The following COL25A1 variants were observed in gnomAD, a reference collection of about 807,000 sequenced individuals.
COL25A1 encodes the protein collagen alpha-1(XXV) chain.
A neutral mutation model predicts 128.4 loss-of-function variants in COL25A1; 103 were observed. The observed-to-expected ratio is 0.80, with a 90% CI of 0.68 to 0.94. The LOEUF is 0.94. Among genes scored for constraint, COL25A1 ranks in the 40% least tolerant of loss-of-function variants. COL25A1 has a pLI of 0.00. For missense variants in COL25A1, 745 were observed against 840.0 expected, an observed-to-expected ratio of 0.89 and a Z score of 1.40; for synonymous variants, 279 against 277.2, an observed-to-expected ratio of 1.01 and a Z score of -0.06.
At chr4:109,116,016 C>T (rs1422470046) in intron 3 of COL25A1, among the ~76,000 whole-genome samples, 1 of 151,982 alleles carries the variant, frequency 6.6e-6, no homozygotes, top group Non-Finnish European at 1.5e-5. Flanking sequence ...GGGAGACAGA[C>T]AGGCAGATAC....
In COL25A1 at chr4:108,899,174, G is replaced by T. The variant is rs2125861676; in HGVS notation, c.841C>A (p.Pro281Thr). 6.2e-7 allele frequency: 1 copy of T among 1,609,222 alleles called. No individual in the cohort carries two copies. The highest frequency in any genetic ancestry group is 1.3e-5 in the African/African-American group (1 of 74,900). ...QNGIPGPKGE[P>T]GEQGEKGDAG... ...CTTACCTTTTCACCTTGTTCTCCAG[G>T]TTCTCCCTGAGCAAAAAGACAGAGA... Residue 281 changes from proline (P) to threonine (T), a missense_variant, in exon 15 of 38, where the codon CCT becomes ACT. By Grantham distance (38) the Pro-to-Thr change is conservative. This residue lies in a region of COL25A1 where 39 missense variants were observed against 73.3 expected (regional missense o/e 0.53). Coordinates refer to ENST00000399132, the MANE Select transcript of COL25A1 (RefSeq NM_198721.4).
At chr4:108,951,256 A>T (rs1169526819) in intron 8 of COL25A1, among the ~76,000 whole-genome samples, 1 of 152,252 alleles carries the variant, frequency 6.6e-6, no homozygotes, top group African/African-American at 2.4e-5. Context: ...CCATGTGAGT[A>T]TGAGGAAGAC....
intron 3 of COL25A1, among the ~76,000 whole-genome samples, chr4:109,200,986 A>G (rs1776515990): frequency 6.6e-6 from 1 of 152,100 alleles, no homozygotes; most frequent in Admixed American, 6.6e-5. Context: ...TACCCATATC[A>G]CTAGAACCAC....
At chr4:108,838,229 C>G in intron 31 of COL25A1, 1 of 1,282,614 alleles carries the variant, frequency 7.8e-7, no homozygotes, top group Non-Finnish European at 1.1e-6. Context: ...GGTGTTTAAA[C>G]TGTGAGAGAA....
intron 3 of COL25A1, among the ~76,000 whole-genome samples, chr4:109,152,627 G>A (rs1771609617): frequency 6.6e-6 from 1 of 152,088 alleles, no homozygotes; most frequent in African/African-American, 2.4e-5. Flanking sequence ...AACACCCATG[G>A]GTGAATCAAC....
At chr4:108,989,939 G>T (rs1291287486) in intron 6 of COL25A1, among the ~76,000 whole-genome samples, 1 of 152,058 alleles carries the variant, frequency 6.6e-6, no homozygotes. Context: ...TACGCCGGGC[G>T]CAGTGGCTTA....
chr4:109,191,127 A>T (rs1775572299), intron 3 of COL25A1, among the ~76,000 whole-genome samples: 1 of 152,228 alleles, frequency 6.6e-6, no homozygotes, highest in South Asian at 2.1e-4. Context: ...AATAGTACAC[A>T]GAAAGCAGGA....
At chr4:109,065,751 C>A (rs1762396299) in intron 3 of COL25A1, among the ~76,000 whole-genome samples, 1 of 152,086 alleles carries the variant, frequency 6.6e-6, no homozygotes, top group African/African-American at 2.4e-5. Context: ...CTATGCCAGT[C>A]TAATGACTAT....
At chr4:109,016,276 C>T (rs570181668) in intron 5 of COL25A1, among the ~76,000 whole-genome samples, 18 of 152,360 alleles carry the variant, frequency 1.2e-4, no homozygotes, top group Middle Eastern at 3.4e-3. Context: ...AGCAGCCCCC[C>T]GCTGCCTCAG....
At position 108,888,052 on chromosome 4, in the gene COL25A1, A is replaced by G. The variant is rs557508300; in HGVS notation, c.975+1169T>C. ...TTATAAAATAAATAGTAAATTTTGC[A>G]AAGTTCTGCTAGGCTCTTTGAAAGA... is the stretch of plus-strand genomic sequence containing the variant. On this transcript the variant is annotated intron_variant, in intron 18 of 37. Coordinates refer to ENST00000399132, the MANE Select transcript of COL25A1 (RefSeq NM_198721.4). Among the ~76,000 whole-genome samples, 173 of 152,294 alleles carry G rather than the reference A, an allele frequency of 1.1e-3. 1 individual carries two copies. Among genetic ancestry groups the G allele is most frequent in the African/African-American group, 4.0e-3 (165 of 41,574 alleles).
intron 14 of COL25A1, 36 bp from the exon 15 acceptor site, chr4:108,899,216 C>T: frequency 3.8e-6 from 6 of 1,572,502 alleles, no homozygotes; most frequent in Non-Finnish European, 5.2e-6. Context: ...GACATCAAAT[C>T]ATAAAACACC....
intron 5 of COL25A1, among the ~76,000 whole-genome samples, chr4:109,024,488 A>G (rs1758064812): frequency 1.3e-5 from 2 of 152,098 alleles, no homozygotes. Flanking sequence ...AAAAAAAGAA[A>G]GAGAAGGAAA....
At chr4:109,282,027 G>GTGTA (rs1184638094) in intron 3 of COL25A1, among the ~76,000 whole-genome samples, 4 of 152,126 alleles carry the variant, frequency 2.6e-5, no homozygotes, top group Admixed American at 2.0e-4. Context: ...GAGCCTAAGG[G>GTGTA]TGTATGTCAT....
intron 3 of COL25A1, among the ~76,000 whole-genome samples, chr4:109,274,944 G>T (rs957225231): frequency 2.6e-4 from 39 of 152,106 alleles, no homozygotes; most frequent in Non-Finnish European, 4.1e-4. Flanking sequence ...GCAAATAATT[G>T]AGACCCAGAG....
intron 8 of COL25A1, among the ~76,000 whole-genome samples, chr4:108,958,249 C>T (rs1222536177): frequency 4.6e-5 from 7 of 152,070 alleles, no homozygotes; most frequent in Non-Finnish European, 1.0e-4. Context: ...GATCTTGTTC[C>T]TCTTTGGTGC....
intron 3 of COL25A1, among the ~76,000 whole-genome samples, chr4:109,239,849 C>T (rs989721054): frequency 6.6e-6 from 1 of 152,004 alleles, no homozygotes; most frequent in Non-Finnish European, 1.5e-5. Context: ...ACACATTGTA[C>T]ACTTCATAGA....
intron 11 of COL25A1, among the ~76,000 whole-genome samples, chr4:108,931,784 A>G (rs1014613343): frequency 1.3e-5 from 2 of 152,120 alleles, no homozygotes; most frequent in African/African-American, 2.4e-5. Flanking sequence ...TCACTTGTCT[A>G]CTTTTTCTGG....
chr4:109,142,201 G>T (rs1770475413), intron 3 of COL25A1, among the ~76,000 whole-genome samples: 1 of 152,128 alleles, frequency 6.6e-6, no homozygotes, highest in Non-Finnish European at 1.5e-5. Context: ...AGTCATTCAG[G>T]AGCAGGTTGT....
intron 13 of COL25A1, among the ~76,000 whole-genome samples, chr4:108,907,106 G>A (rs1383581298): frequency 6.6e-6 from 1 of 152,194 alleles, no homozygotes; most frequent in Non-Finnish European, 1.5e-5. Flanking sequence ...TCCAAGTCAT[G>A]CCCAGTTCAG....
Sources: gnomAD v4.1 joint callset for allele counts (sites outside exome capture counted in the v4.1 genomes callset) on GRCh38, gnomAD v4.1.1 for gene constraint, gnomAD v4.1.1 regional missense constraint, MANE v1.5 for transcripts, NCBI Gene and HGNC (gene_info 2026-07-23, HGNC 2026-07-21) for gene names.